Variants in TP63 observed in about 807,000 individuals in gnomAD.
The protein encoded by TP63 is tumor protein 63.
TP63 carries 17 observed loss-of-function variants against 82.8 expected under a neutral mutation model. The ratio of observed to expected loss-of-function variants is 0.21; its 90% confidence interval spans 0.14 to 0.31. The LOEUF is 0.31. TP63 is among the 10% of genes least tolerant of loss of function. The pLI, the probability that TP63 is intolerant of heterozygous loss-of-function variation, is 1.00. For synonymous variants in TP63, 330 were observed against 321.7 expected (o/e 1.03, Z -0.28); for missense variants, 648 against 895.3 (o/e 0.72, Z 3.52).
In TP63 at chr3:189,897,085, A is replaced by G. The variant is rs1721530637; in HGVS notation, c.*2583A>G. 4.5e-6 allele frequency: 1 copy of G among 224,622 alleles called. No individual in the cohort carries two copies. Among genetic ancestry groups the G allele is most frequent in the Non-Finnish European group, 8.9e-6 (1 of 112,494 alleles). The allele number at this position is 224,622 out of a possible 1,614,324, so 13.9% of individuals were successfully genotyped here. On this transcript the variant is annotated 3_prime_UTR_variant, in exon 14 of 14. Coordinates refer to ENST00000264731, the MANE Select transcript of TP63 (RefSeq NM_003722.5). ...AATTGTACAAAATTAAGCAAATGTT[A>G]AAAGTTTTATATGCTTTATTAATGT...
intron 1 of TP63, among the ~76,000 whole-genome samples, chr3:189,700,305 G>GA (rs1056852732): frequency 3.3e-5 from 5 of 152,028 alleles, no homozygotes; most frequent in Non-Finnish European, 7.4e-5. Context: ...CAGGCATTAT[G>GA]AAAAAAATGG....
chr3:189,604,891 A>C, the TP63 span, among the ~76,000 whole-genome samples: 1 of 152,354 alleles, frequency 6.6e-6, no homozygotes, highest in East Asian at 1.9e-4. Context: ...TATTTACCTA[A>C]GGACCAAAGA....
Position 189,729,317 on chromosome 3 carries a change from A to G in TP63, c.63-8423A>G, listed in dbSNP as rs142008959. ...AATGACTGCCAAGTTTGGGCTAAAT[A>G]TGTAGAACTTTAATGGGAGAAATTC... On this transcript the variant is annotated intron_variant, in intron 1 of 13. Coordinates refer to ENST00000264731, the MANE Select transcript of TP63 (RefSeq NM_003722.5). Among the ~76,000 whole-genome samples the G allele has an allele frequency of 6.0e-3, 908 of 152,312 alleles. 3 individuals are homozygous for G. Among genetic ancestry groups the G allele is most frequent in the Non-Finnish European group, 9.7e-3 (660 of 68,022 alleles).
chr3:189,852,301 A>G (rs1715739585), intron 4 of TP63, among the ~76,000 whole-genome samples: 1 of 152,212 alleles, frequency 6.6e-6, no homozygotes. Context: ...GTCCAGAACT[A>G]AAACTATCCT....
chr3:189,671,196 C>CA (rs1281294910), intron 1 of TP63, among the ~76,000 whole-genome samples: 2 of 151,738 alleles, frequency 1.3e-5, no homozygotes, highest in African/African-American at 4.8e-5. Context: ...AAACAAACCC[C>CA]AAAAATATGA....
At chr3:189,822,503 T>C (rs1183943883) in intron 4 of TP63, among the ~76,000 whole-genome samples, 2 of 152,178 alleles carry the variant, frequency 1.3e-5, no homozygotes, top group Non-Finnish European at 2.9e-5. Context: ...TATATTTCAA[T>C]ATAGGTATTT....
At chr3:189,796,608 T>C (rs960281292) in intron 3 of TP63, among the ~76,000 whole-genome samples, 1 of 151,970 alleles carries the variant, frequency 6.6e-6, no homozygotes, top group African/African-American at 2.4e-5. Context: ...AATGTTAACA[T>C]ATGATTGTCC....
intron 3 of TP63, among the ~76,000 whole-genome samples, chr3:189,795,619 A>G (rs1576975083): frequency 6.6e-6 from 1 of 152,086 alleles, no homozygotes; most frequent in Admixed American, 6.6e-5. Flanking sequence ...ATTGATTTAA[A>G]AAGAAAATGT....
intron 3 of TP63, among the ~76,000 whole-genome samples, chr3:189,787,476 T>G (rs1016663706): frequency 3.9e-5 from 6 of 152,110 alleles, no homozygotes; most frequent in African/African-American, 1.4e-4. Context: ...AGTTCTCAAG[T>G]AGCCATAGTG....
intron 3 of TP63, among the ~76,000 whole-genome samples, chr3:189,800,925 T>G (rs989577255): frequency 6.6e-6 from 1 of 152,200 alleles, no homozygotes; most frequent in Non-Finnish European, 1.5e-5. Flanking sequence ...TTTTATTTTT[T>G]GCTCCTGATA....
At chr3:189,868,062 T>G (rs1240155268) in intron 7 of TP63, 120 bp downstream of exon 7, 1 of 838,550 alleles carries the variant, frequency 1.2e-6, no homozygotes, top group Non-Finnish European at 2.0e-6. Flanking sequence ...TCCTTTGTGC[T>G]CTAAATCCTT....
At chr3:189,694,825 A>T (rs1191792057) in intron 1 of TP63, among the ~76,000 whole-genome samples, 1 of 20,940 alleles carries the variant, frequency 4.8e-5, no homozygotes, top group African/African-American at 1.3e-4. Flanking sequence ...TTTTTTTTTG[A>T]GACAGAGTCT....
chr3:189,845,856 G>C (rs1714792118), intron 4 of TP63, among the ~76,000 whole-genome samples: 2 of 151,596 alleles, frequency 1.3e-5, no homozygotes, highest in Non-Finnish European at 2.9e-5. Flanking sequence ...TGTGATTTGA[G>C]ATTTGCATGT....
intron 1 of TP63, among the ~76,000 whole-genome samples, chr3:189,643,167 A>T (rs1712071814): frequency 6.6e-6 from 1 of 151,858 alleles, no homozygotes; most frequent in Non-Finnish European, 1.5e-5. Flanking sequence ...ATGCCCAGCT[A>T]ATTTTGTATT....
chr3:189,615,564 C>T, the TP63 span, among the ~76,000 whole-genome samples: 1 of 152,112 alleles, frequency 6.6e-6, no homozygotes, highest in East Asian at 1.9e-4. Context: ...TTCCTGAGTT[C>T]TAATGAAAGT....
rs143059476 is a variant in TP63, at chr3:189,813,764, A to C, written c.579+5238A>C. Among the ~76,000 whole-genome samples, 392 of 152,306 alleles carry C rather than the reference A, an allele frequency of 2.6e-3. 6 individuals are homozygous for C. In the South Asian group the frequency reaches 0.041, roughly 16 times the overall value. On this transcript the variant is annotated intron_variant, in intron 4 of 13. Transcript: ENST00000264731. ...TAGTGCCCAGCACAATGTCCAGCAC[A>C]CAGTAAACCTTTAATAAATGGGAAG...
chr3:189,683,680 A>G (rs1223589195), intron 1 of TP63, among the ~76,000 whole-genome samples: 1 of 152,200 alleles, frequency 6.6e-6, no homozygotes, highest in Non-Finnish European at 1.5e-5. Flanking sequence ...GTTCCCAAAC[A>G]TGGCCAAGAT....
intron 3 of TP63, among the ~76,000 whole-genome samples, chr3:189,806,866 TCTC>T (rs893466283): frequency 3.3e-4 from 50 of 152,144 alleles, no homozygotes; most frequent in African/African-American, 1.2e-3. Context: ...AAAGCCCACT[TCTC>T]CTCCCCCTGT....
intron 3 of TP63, among the ~76,000 whole-genome samples, chr3:189,793,571 C>T (rs1248331833): frequency 6.6e-6 from 1 of 151,910 alleles, no homozygotes; most frequent in Admixed American, 6.6e-5. Context: ...CACAAATACA[C>T]CCTGGTTTTC....
Sources: gnomAD v4.1 joint callset for allele counts (sites outside exome capture counted in the v4.1 genomes callset) on GRCh38, gnomAD v4.1.1 for gene constraint, MANE v1.5 for transcripts, NCBI Gene and HGNC (gene_info 2026-07-23, HGNC 2026-07-21) for gene names.